Variants in IQCM observed in about 807,000 individuals in gnomAD.
The protein encoded by IQCM is IQ motif containing M.
Under a neutral mutation model 57.6 loss-of-function variants are expected in IQCM, and 45 were observed. The observed-to-expected ratio is 0.78, with a 90% confidence interval of 0.62 to 1.00. IQCM has a LOEUF of 1.00. Among genes scored for constraint, IQCM ranks in the 50% least tolerant of loss-of-function variants. The probability of loss-of-function intolerance (pLI) is 0.00; values close to 1 mark genes in which losing one functional copy is unlikely to be tolerated. For synonymous variants in IQCM, 148 were observed against 158.9 expected (o/e 0.93, Z 0.51); for missense variants, 468 against 511.6 (o/e 0.91, Z 0.82).
chr4:149,526,740 GA>G (rs1001780178), intron 12 of IQCM, among the ~76,000 whole-genome samples: 5 of 151,848 alleles, frequency 3.3e-5, no homozygotes, highest in African/African-American at 1.2e-4. Context: ...AAAGTTCTAT[GA>G]AAAAATATTT....
chr4:149,478,937 T>C (rs980662393), intron 12 of IQCM, among the ~76,000 whole-genome samples: 4 of 148,664 alleles, frequency 2.7e-5, no homozygotes, highest in African/African-American at 9.9e-5. Context: ...TGCAACCACC[T>C]AGAGGGAAGG....
chr4:149,610,087 GCAAA>G (rs1396225269), intron 8 of IQCM, among the ~76,000 whole-genome samples: 2 of 151,712 alleles, frequency 1.3e-5, no homozygotes, highest in African/African-American at 4.8e-5. Context: ...TATGCCAACT[GCAAA>G]CAATCTGAAA....
At chr4:149,510,431 C>G (rs976178601) in intron 12 of IQCM, among the ~76,000 whole-genome samples, 1 of 152,094 alleles carries the variant, frequency 6.6e-6, no homozygotes, top group Admixed American at 6.6e-5. Flanking sequence ...TAGCCATACA[C>G]TGTTTTTCAC....
At chr4:149,395,439 A>G (rs937371555) in intron 13 of IQCM, among the ~76,000 whole-genome samples, 2 of 152,034 alleles carry the variant, frequency 1.3e-5, no homozygotes, top group African/African-American at 4.8e-5. Flanking sequence ...CTCAGGTCCA[A>G]TTAGAGTGCT....
At chr4:149,565,133 C>T (rs1750493024) in intron 9 of IQCM, among the ~76,000 whole-genome samples, 2 of 152,052 alleles carry the variant, frequency 1.3e-5, no homozygotes, top group Admixed American at 1.3e-4. Context: ...CTGAGATGCC[C>T]AGGTCAATTC....
chr4:149,666,109 T>C (rs1257281227), intron 7 of IQCM: 1 of 152,458 alleles, frequency 6.6e-6, no homozygotes. Context: ...TGTGAGTCAA[T>C]ACTCCTTAAT....
At chr4:149,725,837 T>A (rs983955408) in intron 5 of IQCM, among the ~76,000 whole-genome samples, 1 of 152,118 alleles carries the variant, frequency 6.6e-6, no homozygotes, top group African/African-American at 2.4e-5. Context: ...TCATTTGCCC[T>A]AAGAAACCCA....
chr4:149,666,470 G>T (rs1359847653), intron 7 of IQCM, among the ~76,000 whole-genome samples: 1 of 152,094 alleles, frequency 6.6e-6, no homozygotes, highest in African/African-American at 2.4e-5. Context: ...CACCACCAGG[G>T]CCCTGGGTTT....
At chr4:149,676,896 A>G (rs979190720) in intron 7 of IQCM, among the ~76,000 whole-genome samples, 6 of 152,028 alleles carry the variant, frequency 3.9e-5, no homozygotes, top group Admixed American at 2.6e-4. Flanking sequence ...AACCATAAAC[A>G]AATATACAGT....
chr4:149,699,946 G>C (rs763862601), intron 5 of IQCM, among the ~76,000 whole-genome samples: 5 of 151,882 alleles, frequency 3.3e-5, no homozygotes, highest in Non-Finnish European at 5.9e-5. Flanking sequence ...CTGCAGCGGA[G>C]GAGGGGGAAA....
intron 2 of IQCM, among the ~76,000 whole-genome samples, chr4:149,767,903 T>C (rs567405992): frequency 6.6e-6 from 1 of 152,244 alleles, no homozygotes; most frequent in East Asian, 1.9e-4. Flanking sequence ...TAACATAAAA[T>C]GGACTTTTAT....
At chr4:149,545,615 G>A (rs1365438088) in intron 12 of IQCM, among the ~76,000 whole-genome samples, 1 of 152,090 alleles carries the variant, frequency 6.6e-6, no homozygotes, top group Non-Finnish European at 1.5e-5. Flanking sequence ...CACCCATTAT[G>A]TAAAATATTA....
chr4:149,611,909 C>A (rs1442702184), intron 8 of IQCM, among the ~76,000 whole-genome samples: 1 of 151,784 alleles, frequency 6.6e-6, no homozygotes, highest in Non-Finnish European at 1.5e-5. Flanking sequence ...ATCAAAATAT[C>A]ATATGTACCC....
At chr4:149,571,674 G>A (rs1343107813) in intron 9 of IQCM, among the ~76,000 whole-genome samples, 2 of 152,024 alleles carry the variant, frequency 1.3e-5, no homozygotes, top group African/African-American at 4.8e-5. Flanking sequence ...GTAAAGTAAT[G>A]CACATGTTAA....
chr4:149,786,751 C>T (rs1297124653), intron 2 of IQCM, among the ~76,000 whole-genome samples: 3 of 152,050 alleles, frequency 2.0e-5, no homozygotes, highest in Non-Finnish European at 1.5e-5. Context: ...ATTAGTTCAC[C>T]CATTGGAAGA....
At chr4:149,411,098 A>G (rs919826480) in intron 13 of IQCM, among the ~76,000 whole-genome samples, 1 of 152,136 alleles carries the variant, frequency 6.6e-6, no homozygotes, top group African/African-American at 2.4e-5. Context: ...ACTGAAGTTC[A>G]TCAAAATCAC....
At chr4:149,708,838 A>G (rs1490713271) in intron 5 of IQCM, among the ~76,000 whole-genome samples, 1 of 152,084 alleles carries the variant, frequency 6.6e-6, no homozygotes, top group African/African-American at 2.4e-5. Context: ...TTTGTCCTCA[A>G]ATGAATTTGG....
intron 7 of IQCM, among the ~76,000 whole-genome samples, chr4:149,621,981 T>C (rs1368083596): frequency 6.6e-6 from 1 of 152,190 alleles, no homozygotes; most frequent in Non-Finnish European, 1.5e-5. Flanking sequence ...TATGTGTATC[T>C]ATGTAGTCTT....
chr4:149,663,287 T>G (rs1760387921), intron 7 of IQCM, among the ~76,000 whole-genome samples: 1 of 152,022 alleles, frequency 6.6e-6, no homozygotes. Flanking sequence ...TTTTAACCAT[T>G]TTTACTTTAA....
Sources: gnomAD v4.1 joint callset for allele counts (sites outside exome capture counted in the v4.1 genomes callset) on GRCh38, gnomAD v4.1.1 for gene constraint, MANE v1.5 for transcripts, NCBI Gene and HGNC (gene_info 2026-07-23, HGNC 2026-07-21) for gene names.